Variants in TG observed in about 807,000 individuals in gnomAD.
TG encodes thyroglobulin.
In TG, 270 loss-of-function variants were observed where a neutral mutation model predicts 324.7. That is an observed-to-expected ratio of 0.83 (90% CI 0.75 to 0.92). TG has a LOEUF of 0.92. Ranked by LOEUF, TG falls within the 40% of genes least tolerant of loss-of-function variation. TG has a pLI of 0.00. For synonymous variants in TG, 1,401 were observed against 1,327.0 expected (o/e 1.06, Z -1.21); for missense variants, 3,591 against 3,456.4 (o/e 1.04, Z -0.98).
chr8:133,007,637 G>A (rs1281459211), intron 35 of TG, among the ~76,000 whole-genome samples: 1 of 152,018 alleles, frequency 6.6e-6, no homozygotes, highest in Admixed American at 6.6e-5. Flanking sequence ...TTTAGACAAG[G>A]ATAGAACTTT....
chr8:132,917,082 C>CTTCCTTCCTTCCTTCCTTCA lies in TG; in HGVS notation c.4379-2290_4379-2289insTTCCTTCCTTCCTTCATTCC, dbSNP rs527581820. Among the ~76,000 whole-genome samples, 105 of 109,806 alleles carry CTTCCTTCCTTCCTTCCTTCA rather than the reference C, an allele frequency of 9.6e-4. 3 individuals carry two copies. Among genetic ancestry groups the CTTCCTTCCTTCCTTCCTTCA allele is most frequent in the Non-Finnish European group, 1.5e-3 (79 of 51,560 alleles). The allele number at this position is 109,806 out of a possible 152,430, so 72.0% of individuals were successfully genotyped here. ...CCTTCCTTCCTTCCTTCCTTCCTTC[C>CTTCCTTCCTTCCTTCCTTCA]TTCCCTTACTTCCTTTTTTTCTTCT... On this transcript the variant is annotated intron_variant, in intron 20 of 47. Coordinates refer to ENST00000220616, the MANE Select transcript of TG (RefSeq NM_003235.5).
chr8:132,898,342 C>A, intron 13 of TG, 96 bp downstream of exon 13: 2 of 1,210,230 alleles, frequency 1.7e-6, no homozygotes, highest in Non-Finnish European at 2.4e-6. Flanking sequence ...GACTCCATGG[C>A]CCAGCCCTTC....
At chr8:132,968,034 G>T in intron 31 of TG, 64 bp downstream of exon 31, 6 of 1,574,428 alleles carry the variant, frequency 3.8e-6, no homozygotes, top group Non-Finnish European at 4.3e-6. Flanking sequence ...TGTGGTTTTA[G>T]AAAGATCCAC....
intron 27 of TG, among the ~76,000 whole-genome samples, chr8:132,956,185 G>C (rs1309503990): frequency 6.6e-6 from 1 of 152,164 alleles, no homozygotes; most frequent in Non-Finnish European, 1.5e-5. Context: ...AAACTAATTT[G>C]GGGCTAACCT....
chr8:133,086,320 A>G (rs942880283), intron 41 of TG, among the ~76,000 whole-genome samples: 1 of 152,244 alleles, frequency 6.6e-6, no homozygotes, highest in East Asian at 1.9e-4. Context: ...ACTAAAAACC[A>G]TTGAATTAAG....
At chr8:133,038,399 G>A (rs1837472488) in intron 41 of TG, 2 of 733,932 alleles carry the variant, frequency 2.7e-6, no homozygotes, top group Non-Finnish European at 4.8e-6. Context: ...TCTCCATGTG[G>A]CTTCTCTTGG....
chr8:133,006,052 G>A (rs1833989085), intron 35 of TG, among the ~76,000 whole-genome samples: 3 of 152,122 alleles, frequency 2.0e-5, no homozygotes, highest in African/African-American at 2.4e-5. Flanking sequence ...CCCCACAAAC[G>A]CAATGGTCCA....
intron 35 of TG, chr8:132,988,660 TA>T: frequency 3.1e-6 from 3 of 962,984 alleles, no homozygotes; most frequent in Non-Finnish European, 3.7e-6. Context: ...AGTGAAATAG[TA>T]AATATATATT....
In TG at chr8:132,984,756, A is replaced by G. The variant is rs139882257; in HGVS notation, c.6262+1344A>G. 5.5e-4 allele frequency among the ~76,000 whole-genome samples: 84 copies of G among 152,252 alleles called. 1 individual carries two copies. In the East Asian group the frequency reaches 0.016, roughly 28 times the overall value. ...CAGGAGTTCGAGACCAGCCTGACCA[A>G]TATGGTGAAACTCCATCTCTACTAA... On this transcript the variant is annotated intron_variant, in intron 35 of 47. Coordinates refer to ENST00000220616, the MANE Select transcript of TG (RefSeq NM_003235.5).
Position 133,017,878 on chromosome 8 carries a change from A to C in TG, c.6663A>C (p.Ser2221=). ...GRSQAIQVGT[S]WKQVDQFLGV... is the part of the protein sequence containing the mutation. ...CCCAGGCCATCCAGGTGGGTACCTCATGGAAGCAAGTGGACCAGTTCCTTG... is the reference window on the plus strand; with the variant it reads ...CCCAGGCCATCCAGGTGGGTACCTCCTGGAAGCAAGTGGACCAGTTCCTTG... The change falls in exon 38 of 48, where the codon TCA becomes TCC. Residue 2221 remains serine (S), a synonymous_variant. Coordinates refer to ENST00000220616, the MANE Select transcript of TG (RefSeq NM_003235.5). 6.2e-7 allele frequency: 1 copy of C among 1,614,078 alleles called. No homozygotes were observed.
intron 27 of TG, among the ~76,000 whole-genome samples, chr8:132,959,601 A>G (rs1374064819): frequency 6.6e-6 from 1 of 152,176 alleles, no homozygotes; most frequent in Non-Finnish European, 1.5e-5. Flanking sequence ...CATTTCTCAG[A>G]ACATATTCTG....
intron 41 of TG, chr8:133,047,843 ACT>A: frequency 6.3e-7 from 1 of 1,593,206 alleles, no homozygotes; most frequent in Non-Finnish European, 8.6e-7. Flanking sequence ...TCTTGGTCTC[ACT>A]CTCTCTGATC....
intron 20 of TG, among the ~76,000 whole-genome samples, chr8:132,916,124 G>A (rs1037873906): frequency 7.9e-5 from 12 of 152,180 alleles, no homozygotes; most frequent in Non-Finnish European, 1.5e-4. Context: ...AGGTGGACCC[G>A]GGTTCGAGTC....
chr8:133,040,361 G>T, intron 41 of TG: 1 of 518,256 alleles, frequency 1.9e-6, no homozygotes, highest in Non-Finnish European at 3.5e-6. Flanking sequence ...GGCATGGGCA[G>T]AGAGAGAGGT....
rs779735738 is a variant in TG at position 132,906,705 on chromosome 8, C to A, written c.3652C>A (p.Pro1218Thr). The change falls in exon 17 of 48, where the codon CCA becomes ACA. Residue 1218 changes from proline (P) to threonine (T), a missense_variant. Transcript: ENST00000220616. ...TCTCCCAGGCCCGCGGTGTCCGCTG[C>A]CATTCAACGCGTCGGAGGTGGTTGG... is the stretch of plus-strand genomic sequence containing the variant. ...PACESPRCPL[P>T]FNASEVVGGT... The A allele has an allele frequency of 5.0e-6, 8 of 1,614,042 alleles. No homozygotes were observed. In the African/African-American group the frequency reaches 1.1e-4, roughly 22 times the overall value.
intron 35 of TG, among the ~76,000 whole-genome samples, chr8:133,007,719 G>T (rs187906968): frequency 1.6e-4 from 24 of 151,766 alleles, no homozygotes; most frequent in Admixed American, 3.3e-4. Context: ...GACAATTAAA[G>T]GCATAGGCAT....
intron 35 of TG, 72 bp from the exon 36 acceptor site, chr8:133,011,829 G>A (rs1004533454): frequency 6.2e-7 from 1 of 1,607,094 alleles, no homozygotes; most frequent in African/African-American, 1.3e-5. Flanking sequence ...GGGGATATTG[G>A]GTAATACACG....
intron 25 of TG, among the ~76,000 whole-genome samples, chr8:132,941,094 C>A (rs933915274): frequency 6.6e-6 from 1 of 152,188 alleles, no homozygotes; most frequent in Non-Finnish European, 1.5e-5. Flanking sequence ...TACACATACC[C>A]TTTGGACCCT....
In TG at chr8:133,121,939, T is replaced by C. The variant is rs554090027; in HGVS notation, c.7862+5223T>C. 1.1e-4 allele frequency among the ~76,000 whole-genome samples: 16 copies of C among 152,294 alleles called. 1 individual carries two copies. The highest frequency in any genetic ancestry group is 3.8e-4 in the African/African-American group (16 of 41,568). On this transcript the variant is annotated intron_variant, in intron 45 of 47. Coordinates refer to ENST00000220616, the MANE Select transcript of TG (RefSeq NM_003235.5). Reference sequence around the variant, plus strand: ...TTTGATTTTTGGCAAGTTTATCTTATTGTCCCAAAAAGACATCTCTCTTTC... The same window carrying C: ...TTTGATTTTTGGCAAGTTTATCTTACTGTCCCAAAAAGACATCTCTCTTTC...
Sources: gnomAD v4.1 joint callset for allele counts (sites outside exome capture counted in the v4.1 genomes callset) on GRCh38, gnomAD v4.1.1 for gene constraint, MANE v1.5 for transcripts, NCBI Gene and HGNC (gene_info 2026-07-23, HGNC 2026-07-21) for gene names.